Variants in ADARB2 observed in about 807,000 individuals in gnomAD.
The protein encoded by ADARB2 is inactive double-stranded RNA-specific editase B2.
In ADARB2, 25 loss-of-function variants were observed where a neutral mutation model predicts 62.2. That is an observed-to-expected ratio of 0.40 (90% CI 0.29 to 0.56). The LOEUF is 0.56. Ranked by LOEUF, ADARB2 falls within the 20% of genes least tolerant of loss-of-function variation. The pLI is 0.43. For missense variants in ADARB2, 1,071 were observed against 1,077.4 expected (o/e 0.99, Z 0.08); for synonymous variants, 572 against 500.8 (o/e 1.14, Z -1.90).
intron 2 of ADARB2, among the ~76,000 whole-genome samples, chr10:1,378,314 AG>A (rs1325863276): frequency 2.6e-5 from 4 of 152,116 alleles, no homozygotes; most frequent in African/African-American, 9.7e-5. Context: ...TGCACGGTGT[AG>A]GGGGGCTCCT....
chr10:1,250,567 C>T (rs1364269410), intron 4 of ADARB2, among the ~76,000 whole-genome samples: 2 of 152,104 alleles, frequency 1.3e-5, no homozygotes, highest in African/African-American at 4.8e-5. Flanking sequence ...CAAGTGTCTG[C>T]TTCCCCCTTG....
intron 2 of ADARB2, among the ~76,000 whole-genome samples, chr10:1,372,851 C>G (rs1334518664): frequency 1.3e-5 from 2 of 152,168 alleles, no homozygotes; most frequent in African/African-American, 4.8e-5. Context: ...GCAAGAAACT[C>G]ATATGCTTAC....
chr10:1,344,901 C>T (rs143637146), intron 3 of ADARB2, among the ~76,000 whole-genome samples: 3 of 152,306 alleles, frequency 2.0e-5, no homozygotes, highest in African/African-American at 7.2e-5. Flanking sequence ...TCCATGTGGC[C>T]TTCATTGTGT....
chr10:1,515,484 T>C (rs921943695), intron 1 of ADARB2, among the ~76,000 whole-genome samples: 1 of 151,966 alleles, frequency 6.6e-6, no homozygotes, highest in Admixed American at 6.5e-5. Flanking sequence ...TGCAGAAGAG[T>C]AAGGACATCC....
intron 3 of ADARB2, among the ~76,000 whole-genome samples, chr10:1,360,848 C>T (rs1366016351): frequency 1.3e-5 from 2 of 152,226 alleles, no homozygotes; most frequent in African/African-American, 2.4e-5. Context: ...ATGACTTTTA[C>T]AAAGTAGTAG....
chr10:1,241,258 C>CA (rs968140357), intron 5 of ADARB2, among the ~76,000 whole-genome samples: 21 of 150,118 alleles, frequency 1.4e-4, no homozygotes, highest in African/African-American at 3.4e-4. Flanking sequence ...GACTCCATCT[C>CA]AAAAAAAAAG....
At chr10:1,550,774 T>C (rs1260439010) in intron 1 of ADARB2, among the ~76,000 whole-genome samples, 3 of 151,910 alleles carry the variant, frequency 2.0e-5, no homozygotes, top group Admixed American at 6.6e-5. Flanking sequence ...CCCCGAGTGC[T>C]TAGTCATTTG....
chr10:1,562,058 TCTCC>T (rs1832793136), intron 1 of ADARB2, among the ~76,000 whole-genome samples: 1 of 152,056 alleles, frequency 6.6e-6, no homozygotes, highest in South Asian at 2.1e-4. Flanking sequence ...CCGGAACCCG[TCTCC>T]CTCTGGCCAT....
chr10:1,688,228 C>T (rs771680325), intron 1 of ADARB2, among the ~76,000 whole-genome samples: 1 of 152,196 alleles, frequency 6.6e-6, no homozygotes, highest in South Asian at 2.1e-4. Flanking sequence ...CACCCTGTCC[C>T]ACTGTCAGCC....
intron 4 of ADARB2, among the ~76,000 whole-genome samples, chr10:1,268,978 A>C (rs953369178): frequency 2.0e-5 from 3 of 152,218 alleles, no homozygotes; most frequent in African/African-American, 4.8e-5. Flanking sequence ...AGAAAGATGG[A>C]AAGATATTGA....
chr10:1,717,330 G>T (rs1194680246), intron 1 of ADARB2, among the ~76,000 whole-genome samples: 7 of 151,346 alleles, frequency 4.6e-5, no homozygotes, highest in African/African-American at 9.7e-5. Context: ...GGGACCCCAG[G>T]GCAGCTGGGC....
At chr10:1,683,224 T>C (rs1020026519) in intron 1 of ADARB2, among the ~76,000 whole-genome samples, 5 of 152,144 alleles carry the variant, frequency 3.3e-5, no homozygotes, top group Non-Finnish European at 7.4e-5. Flanking sequence ...TGCAATTCAC[T>C]TTTCCGAGGA....
intron 7 of ADARB2, among the ~76,000 whole-genome samples, chr10:1,207,190 T>C (rs1479180416): frequency 6.6e-6 from 1 of 151,862 alleles, no homozygotes; most frequent in African/African-American, 2.4e-5. Context: ...CTACTAAAAA[T>C]ACAAAAATTA....
chr10:1,554,307 T>C (rs1832670539), intron 1 of ADARB2, among the ~76,000 whole-genome samples: 1 of 152,192 alleles, frequency 6.6e-6, no homozygotes, highest in African/African-American at 2.4e-5. Flanking sequence ...AGTCCTTCCC[T>C]GGCCCATGGA....
In ADARB2 at chr10:1,216,994, C is replaced by G; in HGVS notation, c.1639G>C (p.Gly547Arg). Reference protein sequence around the residue: ...AVQTWDGVLLGEQLITMSCTD... With the variant: ...AVQTWDGVLLREQLITMSCTD... ...CAGGACATGGTGATCAGCTGCTCCC[C>G]CAGCAGGACGCCGTCCCAGGTCTGC... The change falls in exon 7 of 10, where the codon GGG becomes CGG. Residue 547 changes from glycine (G) to arginine (R), a missense_variant. Transcript: ENST00000381312. 6.2e-7 allele frequency: 1 copy of G among 1,609,960 alleles called. No homozygotes were observed. The highest frequency in any genetic ancestry group is 8.5e-7 in the Non-Finnish European group (1 of 1,179,740).
intron 1 of ADARB2, among the ~76,000 whole-genome samples, chr10:1,547,407 G>A (rs1481411739): frequency 9.5e-6 from 1 of 105,626 alleles, no homozygotes; most frequent in African/African-American, 3.6e-5. Flanking sequence ...GGCTGCACTG[G>A]CGTATGCACT....
At chr10:1,498,428 A>C (rs1831720600) in intron 1 of ADARB2, among the ~76,000 whole-genome samples, 1 of 151,778 alleles carries the variant, frequency 6.6e-6, no homozygotes, top group South Asian at 2.1e-4. Context: ...TTTAAAAACA[A>C]AGGAAAAGAA....
intron 1 of ADARB2, among the ~76,000 whole-genome samples, chr10:1,602,392 G>A (rs181500984): frequency 6.4e-4 from 98 of 152,218 alleles, no homozygotes; most frequent in Middle Eastern, 3.4e-3. Context: ...CTCACACCAC[G>A]CTGAGGGAAG....
intron 3 of ADARB2, among the ~76,000 whole-genome samples, chr10:1,350,265 T>A (rs1332123087): frequency 6.6e-6 from 1 of 152,158 alleles, no homozygotes; most frequent in Non-Finnish European, 1.5e-5. Context: ...CTGTTCCCAA[T>A]GCAACTCATC....
Sources: gnomAD v4.1 joint callset for allele counts (sites outside exome capture counted in the v4.1 genomes callset) on GRCh38, gnomAD v4.1.1 for gene constraint, MANE v1.5 for transcripts, NCBI Gene and HGNC (gene_info 2026-07-23, HGNC 2026-07-21) for gene names.